The following MEI1 variants were observed in gnomAD, a reference collection of about 807,000 sequenced individuals.
The protein encoded by MEI1 is meiotic double-stranded break formation protein 1, also known as meiosis inhibitor protein 1.
In MEI1, 103 loss-of-function variants were observed where a neutral mutation model predicts 146.2. The observed-to-expected ratio is 0.70, with a 90% confidence interval of 0.60 to 0.83. The LOEUF (loss-of-function observed/expected upper bound fraction) is 0.83. Ranked by LOEUF, MEI1 falls within the 40% of genes least tolerant of loss-of-function variation. The pLI is 0.00. For missense variants in MEI1, 1,529 were observed against 1,533.0 expected, an observed-to-expected ratio of 1.00 and a Z score of 0.04; for synonymous variants, 652 against 628.2, an observed-to-expected ratio of 1.04 and a Z score of -0.57.
intron 26 of MEI1, among the ~76,000 whole-genome samples, chr22:41,787,081 A>G (rs1366410944): frequency 6.6e-6 from 1 of 152,172 alleles, no homozygotes; most frequent in Non-Finnish European, 1.5e-5. Flanking sequence ...CTCTGTTTCA[A>G]GTTTCCATTT....
rs1412730700 is a variant in MEI1, at chr22:41,795,142, C to T, written c.3535-269C>T. On this transcript the variant is annotated intron_variant, in intron 28 of 30. Coordinates refer to ENST00000401548, the MANE Select transcript of MEI1 (RefSeq NM_152513.4). This position sits in a 1 kb window ranked among gnomAD's most constrained non-coding sequence, Gnocchi z 4.2. ...GGAGCCACACGTAGTTCATTTTGGC[C>T]ATGAGTGTTCAGTGCAAGGTTGGGT... Among the ~76,000 whole-genome samples the T allele has an allele frequency of 6.6e-6, 1 of 152,142 alleles. No homozygotes were observed. The highest frequency in any genetic ancestry group is 1.5e-5 in the Non-Finnish European group (1 of 68,024).
At position 41,769,566 on chromosome 22, in the gene MEI1, G is replaced by A. The variant is rs552834406; in HGVS notation, c.2269-1120G>A. Among the ~76,000 whole-genome samples the A allele has an allele frequency of 5.9e-5, 9 of 151,516 alleles. No homozygotes were observed. In the East Asian group the frequency reaches 9.8e-4, roughly 17 times the overall value. ...TGGCTCACCACAACCTCTGCCTCCC[G>A]GGTTCAAGTGAGTCTCCTGCCTCAG... On this transcript the variant is annotated intron_variant, in intron 19 of 30. Coordinates refer to ENST00000401548, the MANE Select transcript of MEI1 (RefSeq NM_152513.4).
chr22:41,761,476 G>A (rs529150143), intron 18 of MEI1, among the ~76,000 whole-genome samples: 100 of 151,948 alleles, frequency 6.6e-4, no homozygotes, highest in African/African-American at 2.3e-3. Context: ...TACCACGCCC[G>A]GCTAATTTTT....
chr22:41,782,358 G>A (rs1297953003), intron 24 of MEI1, among the ~76,000 whole-genome samples: 1 of 152,210 alleles, frequency 6.6e-6, no homozygotes, highest in Non-Finnish European at 1.5e-5. Context: ...CGACCTTAAA[G>A]TGCAGCATGG....
At chr22:41,749,373 T>A (rs1340764871) in intron 15 of MEI1, among the ~76,000 whole-genome samples, 1 of 152,102 alleles carries the variant, frequency 6.6e-6, no homozygotes, top group Non-Finnish European at 1.5e-5. Context: ...CCTCCCGGGT[T>A]CAAGTGATTC....
At chr22:41,779,959 G>A (rs1004595428) in intron 22 of MEI1, among the ~76,000 whole-genome samples, 3 of 152,198 alleles carry the variant, frequency 2.0e-5, no homozygotes, top group African/African-American at 7.2e-5. Flanking sequence ...CCCAGCTCCT[G>A]TAGCCACAGG....
In MEI1 at chr22:41,795,518, G is replaced by A; in HGVS notation, c.3642G>A (p.Gln1214=). The change falls in exon 29 of 31, where the codon CAG becomes CAA. Residue 1214 remains glutamine (Q), a synonymous_variant. Coordinates refer to ENST00000401548, the MANE Select transcript of MEI1 (RefSeq NM_152513.4). This position sits in a 1 kb window ranked among gnomAD's most constrained non-coding sequence, Gnocchi z 4.2. Reference sequence around the variant, plus strand: ...CTACCCTCTCGAACACCACACTCCAGGCCCTGCATGGCTTCTTCCAGCAGG... The same window carrying A: ...CTACCCTCTCGAACACCACACTCCAAGCCCTGCATGGCTTCTTCCAGCAGG... The part of the protein sequence containing the change: ...DLSTLSNTTL[Q]ALHGFFQQLQ... 6.2e-7 allele frequency: 1 copy of A among 1,613,536 alleles called. No homozygotes were observed. The highest frequency in any genetic ancestry group is 8.5e-7 in the Non-Finnish European group (1 of 1,179,682).
At position 41,795,932 on chromosome 22, in the gene MEI1, C is replaced by T. The variant is rs1392461228; in HGVS notation, c.3779+85C>T. The T allele has an allele frequency of 8.7e-6, 14 of 1,612,230 alleles. No homozygotes were observed. In the South Asian group the frequency reaches 1.3e-4, roughly 15 times the overall value. ...TCTTCCTGGGCCAGTTTATGCGGTA[C>T]CGGAGTAGCAGTGTCCTCTCTCATG... is the stretch of plus-strand genomic sequence containing the variant. On this transcript the variant is annotated intron_variant, in intron 30 of 30. Coordinates refer to ENST00000401548, the MANE Select transcript of MEI1 (RefSeq NM_152513.4). The surrounding 1 kb of genome is among the most constrained non-coding windows in gnomAD (Gnocchi z 4.2).
chr22:41,714,019 A>T lies in MEI1; in HGVS notation c.367A>T (p.Thr123Ser). The T allele has an allele frequency of 6.3e-7, 1 of 1,594,774 alleles. No homozygotes were observed. Among genetic ancestry groups the T allele is most frequent in the Non-Finnish European group, 8.5e-7 (1 of 1,170,516 alleles). ...LCIEVLIQIT[T>S]QLKLEQTIRC... Reference sequence around the variant, plus strand: ...CTGTTCAGTCCTTATTCAGATCACAACGCAGCTGAAGCTGGAGCAGACTAT... The same window carrying T: ...CTGTTCAGTCCTTATTCAGATCACATCGCAGCTGAAGCTGGAGCAGACTAT... The change falls in exon 4 of 31, where the codon ACG becomes TCG. Residue 123 changes from threonine to serine, a missense_variant. Physicochemically the swap from Thr to Ser is moderately conservative, Grantham distance 58 (BLOSUM62 1). Transcript: ENST00000401548.
intron 19 of MEI1, among the ~76,000 whole-genome samples, chr22:41,765,853 A>G (rs1448624313): frequency 6.6e-6 from 1 of 151,078 alleles, no homozygotes; most frequent in Non-Finnish European, 1.5e-5. Context: ...CTTAGTCATC[A>G]ATAGTCAAAT....
rs1465976469 is a variant in MEI1, at chr22:41,784,765, G to T, written c.3327G>T (p.Leu1109=). 1 of 1,609,370 alleles carries T rather than the reference G, an allele frequency of 6.2e-7. No homozygotes were observed. The highest frequency in any genetic ancestry group is 1.3e-5 in the African/African-American group (1 of 74,818). ...AAGTCCGGTCCCTGGTCATTGGGCT[G>T]CAGAACCTCCTGGTGCAGGTAAGGC... ...MSQVRSLVIG[L]QNLLVQKDPL... The change falls in exon 26 of 31, where the codon CTG becomes CTT. Residue 1109 remains leucine, a synonymous_variant. Coordinates refer to ENST00000401548, the MANE Select transcript of MEI1 (RefSeq NM_152513.4).
chr22:41,735,366 C>T (rs1010813084), intron 11 of MEI1, among the ~76,000 whole-genome samples: 1 of 151,336 alleles, frequency 6.6e-6, no homozygotes, highest in African/African-American at 2.4e-5. Context: ...TCCCGAGTAG[C>T]TGGGATTACA....
intron 22 of MEI1, 71 bp downstream of exon 22, chr22:41,778,883 C>A: frequency 9.2e-7 from 1 of 1,087,058 alleles, no homozygotes; most frequent in South Asian, 1.4e-5. Context: ...ACTAAGTAGG[C>A]TGGTGTTCTT....
In MEI1 at chr22:41,784,704, C is replaced by G; in HGVS notation, c.3266C>G (p.Thr1089Ser). Reference sequence around the variant, plus strand: ...TCAGGGGCCCAGCCACTGCCAGCCACCAAGGACACTGTCCTAGCTCCACTG... The same window carrying G: ...TCAGGGGCCCAGCCACTGCCAGCCAGCAAGGACACTGTCCTAGCTCCACTG... ...VPSGAQPLPA[T>S]KDTVLAPLRM... Residue 1089 changes from threonine to serine, a missense_variant, in exon 26 of 31, where the codon ACC (threonine) becomes AGC (serine). Coordinates refer to ENST00000401548, the MANE Select transcript of MEI1 (RefSeq NM_152513.4). The G allele has an allele frequency of 6.2e-7, 1 of 1,613,756 alleles. No individual in the cohort carries two copies. Among genetic ancestry groups the G allele is most frequent in the Non-Finnish European group, 8.5e-7 (1 of 1,179,822 alleles).
chr22:41,731,436 C>T (rs1000835111), intron 9 of MEI1, among the ~76,000 whole-genome samples: 12 of 151,762 alleles, frequency 7.9e-5, no homozygotes, highest in African/African-American at 2.9e-4. Context: ...GCAACCTCTG[C>T]CTCTGCCTCC....
chr22:41,724,424 C>T (rs1433254103), intron 7 of MEI1, among the ~76,000 whole-genome samples: 1 of 151,648 alleles, frequency 6.6e-6, no homozygotes, highest in African/African-American at 2.4e-5. Flanking sequence ...TTGAGACCAT[C>T]CTGGCCAGCA....
chr22:41,716,355 C>CTTTTTTTTTTTTTTTTT, intron 5 of MEI1, among the ~76,000 whole-genome samples: 1 of 118,582 alleles, frequency 8.4e-6, no homozygotes, highest in Non-Finnish European at 1.7e-5. Flanking sequence ...TCCATTCATT[C>CTTTTTTTTTTTTTTTTT]TTTTTTTTTT....
At position 41,763,280 on chromosome 22, in the gene MEI1, C is replaced by A. The variant is rs1319814150; in HGVS notation, c.2227C>A (p.Leu743Met). The change falls in exon 19 of 31, where the codon CTG becomes ATG. Residue 743 changes from leucine to methionine, a missense_variant. Leu to Met is a conservative substitution (Grantham distance 15). Around this residue, in one of 3 missense-constraint regions of MEI1, gnomAD observed 1,212 missense variants for 1,178.9 expected, o/e 1.03. Transcript: ENST00000401548. ...PLVVFKASIY[L>M]LAICQDKDNT... is the part of the protein sequence containing the mutation. ...GGTGGTCTTCAAAGCCTCCATCTAT[C>A]TGCTTGCAATCTGCCAGGACAAAGA... 6.2e-7 allele frequency: 1 copy of A among 1,613,904 alleles called. No homozygotes were observed. Among genetic ancestry groups the A allele is most frequent in the East Asian group, 2.2e-5 (1 of 44,886 alleles).
At chr22:41,781,882 T>C (rs753628701) in intron 24 of MEI1, 37 bp downstream of exon 24, 1 of 1,609,310 alleles carries the variant, frequency 6.2e-7, no homozygotes, top group Non-Finnish European at 8.5e-7. Context: ...AGGCATGGGG[T>C]GGCACTCAAA....
Sources: gnomAD v4.1 joint callset for allele counts (sites outside exome capture counted in the v4.1 genomes callset) on GRCh38, gnomAD v4.1.1 for gene constraint, gnomAD v4.1.1 regional missense constraint, Gnocchi (gnomAD v3.1) non-coding constraint, MANE v1.5 for transcripts, NCBI Gene and HGNC (gene_info 2026-07-23, HGNC 2026-07-21) for gene names.